PACRG: variants seen among roughly 807,000 people sequenced by gnomAD.
The protein encoded by PACRG is parkin coregulated gene protein.
PACRG carries 29 observed loss-of-function variants against 29.7 expected under a neutral mutation model. The ratio of observed to expected loss-of-function variants is 0.98; its 90% CI spans 0.73 to 1.33. PACRG has a LOEUF of 1.33. PACRG is among the 40% of genes most tolerant of loss of function. PACRG has a pLI of 0.00. For synonymous variants in PACRG, 116 were observed against 118.7 expected, an observed-to-expected ratio of 0.98 and a Z score of 0.15; for missense variants, 279 against 316.2, an observed-to-expected ratio of 0.88 and a Z score of 0.89.
At chr6:163,046,315 T>C (rs1585081876) in intron 2 of PACRG, among the ~76,000 whole-genome samples, 2 of 108,296 alleles carry the variant, frequency 1.8e-5, no homozygotes, top group African/African-American at 3.0e-5. Flanking sequence ...CCAGAGCTTT[T>C]TTCCACGTAG....
intron 4 of PACRG, among the ~76,000 whole-genome samples, chr6:163,300,578 C>T (rs1198657174): frequency 1.3e-5 from 2 of 152,130 alleles, no homozygotes; most frequent in Non-Finnish European, 2.9e-5. Context: ...TGGCCAGCAA[C>T]GGGCAAGGAG....
At chr6:162,883,628 A>T (rs140845397) in intron 2 of PACRG, among the ~76,000 whole-genome samples, 2 of 152,222 alleles carry the variant, frequency 1.3e-5, no homozygotes, top group South Asian at 2.1e-4. Flanking sequence ...TATGATTTAT[A>T]TTCAGCAGGA....
intron 2 of PACRG, among the ~76,000 whole-genome samples, chr6:162,958,882 TATAGAGAGAGAGAGAGAG>T (rs1268364380): frequency 1.7e-3 from 25 of 15,108 alleles, no homozygotes; most frequent in Admixed American, 4.3e-3. Flanking sequence ...TATATATATA[TATAGAGAGAGAGAGAGAG>T]AGAGAGAGAG....
chr6:162,827,760 C>T (rs1446624592), intron 2 of PACRG, among the ~76,000 whole-genome samples: 1 of 152,100 alleles, frequency 6.6e-6, no homozygotes, highest in East Asian at 1.9e-4. Context: ...GCTGGCCTCT[C>T]TTGAATGCCT....
intron 4 of PACRG, among the ~76,000 whole-genome samples, chr6:163,248,008 C>G (rs888121183): frequency 1.3e-5 from 2 of 152,224 alleles, no homozygotes; most frequent in Non-Finnish European, 2.9e-5. Context: ...AGCAACACCA[C>G]AGACTTCCAG....
intron 3 of PACRG, among the ~76,000 whole-genome samples, chr6:163,086,158 T>G (rs919220904): frequency 3.3e-5 from 5 of 152,232 alleles, no homozygotes; most frequent in African/African-American, 1.2e-4. Context: ...ATTTCTGGCC[T>G]GCCAGTTCTC....
At chr6:162,793,787 T>C (rs976521194) in intron 1 of PACRG, among the ~76,000 whole-genome samples, 4 of 152,176 alleles carry the variant, frequency 2.6e-5, no homozygotes, top group African/African-American at 9.7e-5. Context: ...TTTACATGTC[T>C]GATTACGCAG....
intron 2 of PACRG, among the ~76,000 whole-genome samples, chr6:162,857,444 G>A (rs1215320563): frequency 6.6e-6 from 1 of 152,190 alleles, no homozygotes; most frequent in Non-Finnish European, 1.5e-5. Context: ...TAGAGAAACT[G>A]CTTTGTTTCT....
At chr6:162,752,444 C>G (rs1382345408) in intron 1 of PACRG, among the ~76,000 whole-genome samples, 1 of 152,170 alleles carries the variant, frequency 6.6e-6, no homozygotes, top group African/African-American at 2.4e-5. Flanking sequence ...CCAGTAACAT[C>G]AAGTTCCTGG....
chr6:162,995,374 T>C (rs937819622), intron 2 of PACRG, among the ~76,000 whole-genome samples: 21 of 151,816 alleles, frequency 1.4e-4, no homozygotes, highest in Non-Finnish European at 2.8e-4. Flanking sequence ...CTCAGACTGC[T>C]GTGCTAGCAA....
At chr6:162,731,908 G>A (rs1181176072) in intron 1 of PACRG, among the ~76,000 whole-genome samples, 1 of 152,122 alleles carries the variant, frequency 6.6e-6, no homozygotes, top group Non-Finnish European at 1.5e-5. Flanking sequence ...GCAATCCCAG[G>A]AGGTTGGGCA....
intron 2 of PACRG, among the ~76,000 whole-genome samples, chr6:162,930,736 T>C (rs1797791777): frequency 6.6e-6 from 1 of 151,954 alleles, no homozygotes; most frequent in Non-Finnish European, 1.5e-5. Context: ...CTTTCATATG[T>C]GGCCTTTGTT....
At chr6:163,299,212 C>T (rs1784894520) in intron 4 of PACRG, among the ~76,000 whole-genome samples, 1 of 152,162 alleles carries the variant, frequency 6.6e-6, no homozygotes, top group Admixed American at 6.5e-5. Context: ...TTCCTGAGTC[C>T]CACCTTGGAT....
intron 4 of PACRG, among the ~76,000 whole-genome samples, chr6:163,153,474 G>A (rs186742458): frequency 6.6e-6 from 1 of 152,256 alleles, no homozygotes; most frequent in Admixed American, 6.5e-5. Flanking sequence ...GCAATATTAG[G>A]TAATATATTT....
In PACRG at chr6:162,967,698, G is replaced by A. The variant is rs143356057; in HGVS notation, c.292-94452G>A. On this transcript the variant is annotated intron_variant, in intron 2 of 4. Coordinates refer to ENST00000366888, the MANE Select transcript of PACRG (RefSeq NM_001080379.2). ...ATTTTTTTGTATTTTTTGTAGAGAC[G>A]GGGTTTCACCATGTTAGCCGGGATG... is the stretch of plus-strand genomic sequence containing the variant. 2.6e-5 allele frequency among the ~76,000 whole-genome samples: 4 copies of A among 152,008 alleles called. No individual in the cohort carries two copies. In the East Asian group the frequency reaches 5.8e-4, roughly 22 times the overall value.
chr6:163,194,017 C>T (rs1041187038), intron 4 of PACRG, among the ~76,000 whole-genome samples: 6 of 151,954 alleles, frequency 3.9e-5, no homozygotes, highest in South Asian at 2.1e-4. Context: ...CTCAGCCTCC[C>T]GAGTAGCTGG....
At chr6:163,204,879 T>C (rs1780840513) in intron 4 of PACRG, among the ~76,000 whole-genome samples, 1 of 152,182 alleles carries the variant, frequency 6.6e-6, no homozygotes, top group Non-Finnish European at 1.5e-5. Flanking sequence ...AGTTTCAGGA[T>C]ATAAAATCAA....
chr6:163,060,345 A>G (rs1810990323), intron 2 of PACRG, among the ~76,000 whole-genome samples: 1 of 152,192 alleles, frequency 6.6e-6, no homozygotes, highest in Admixed American at 6.5e-5. Flanking sequence ...TATACAATGT[A>G]AAATTATCCA....
At chr6:162,981,596 G>T (rs1036797232) in intron 2 of PACRG, among the ~76,000 whole-genome samples, 1 of 151,834 alleles carries the variant, frequency 6.6e-6, no homozygotes, top group African/African-American at 2.4e-5. Flanking sequence ...ATTTTGATGG[G>T]AATTTCATTG....
Sources: allele counts gnomAD v4.1 joint callset (sites outside exome capture counted in the v4.1 genomes callset), GRCh38; gene constraint gnomAD v4.1.1; transcripts MANE v1.5; gene names NCBI Gene and HGNC (gene_info 2026-07-23, HGNC 2026-07-21).